Variants in IMMP2L observed in about 807,000 individuals in gnomAD.
IMMP2L encodes inner mitochondrial membrane peptidase subunit 2, also known as mitochondrial inner membrane protease subunit 2.
Under a neutral mutation model 19.3 loss-of-function variants are expected in IMMP2L, and 18 were observed. That is an observed-to-expected ratio of 0.93 (90% CI 0.64 to 1.38). The LOEUF is 1.38. Ranked by LOEUF, IMMP2L falls within the 40% of genes most tolerant of loss-of-function variation. The pLI, the probability that IMMP2L is intolerant of heterozygous loss-of-function variation, is 0.00. For synonymous variants in IMMP2L, 76 were observed against 73.0 expected (o/e 1.04, Z -0.21); for missense variants, 233 against 218.2 (o/e 1.07, Z -0.43).
chr7:110,927,731 T>G (rs1009147504), intron 4 of IMMP2L, among the ~76,000 whole-genome samples: 1 of 152,142 alleles, frequency 6.6e-6, no homozygotes, highest in African/African-American at 2.4e-5. Context: ...ATAATGTCTA[T>G]GCTGGACTTC....
intron 3 of IMMP2L, among the ~76,000 whole-genome samples, chr7:111,193,327 T>G (rs995477347): frequency 1.3e-5 from 2 of 152,090 alleles, no homozygotes; most frequent in African/African-American, 4.8e-5. Context: ...TTAAGATGCT[T>G]CTTCTTCCCA....
intron 3 of IMMP2L, among the ~76,000 whole-genome samples, chr7:111,476,527 C>A (rs1427435809): frequency 6.6e-6 from 1 of 152,062 alleles, no homozygotes; most frequent in African/African-American, 2.4e-5. Context: ...AAGACAGAAG[C>A]CTAGTAGGTT....
intron 5 of IMMP2L, among the ~76,000 whole-genome samples, chr7:110,809,116 C>T (rs1272149713): frequency 6.6e-6 from 1 of 152,020 alleles, no homozygotes; most frequent in African/African-American, 2.4e-5. Flanking sequence ...CATTTTTCTA[C>T]ACTGGCAGAA....
chr7:111,290,320 A>G, intron 3 of IMMP2L, among the ~76,000 whole-genome samples: 1 of 152,196 alleles, frequency 6.6e-6, no homozygotes, highest in East Asian at 1.9e-4. Flanking sequence ...ACTGTGCAAC[A>G]CATAATATGA....
At chr7:111,141,520 T>C (rs1196922976) in intron 3 of IMMP2L, among the ~76,000 whole-genome samples, 1 of 152,130 alleles carries the variant, frequency 6.6e-6, no homozygotes, top group Admixed American at 6.5e-5. Flanking sequence ...CTTAATTTTC[T>C]ATCTACCTAC....
chr7:111,118,082 G>C (rs1242625735), intron 3 of IMMP2L, among the ~76,000 whole-genome samples: 1 of 152,056 alleles, frequency 6.6e-6, no homozygotes, highest in Non-Finnish European at 1.5e-5. Context: ...ACAGAATTAA[G>C]CATTCTCTCC....
At chr7:110,815,141 T>A (rs1802379917) in intron 5 of IMMP2L, among the ~76,000 whole-genome samples, 1 of 152,158 alleles carries the variant, frequency 6.6e-6, no homozygotes, top group Non-Finnish European at 1.5e-5. Context: ...ATATGTCCAA[T>A]CAATACCTAA....
intron 3 of IMMP2L, among the ~76,000 whole-genome samples, chr7:111,408,416 T>C (rs1026740749): frequency 2.0e-5 from 3 of 151,768 alleles, no homozygotes; most frequent in Non-Finnish European, 4.4e-5. Flanking sequence ...GAAATATCAC[T>C]ATGGGTACAC....
chr7:110,703,202 G>T (rs1794405560), intron 5 of IMMP2L, among the ~76,000 whole-genome samples: 1 of 151,874 alleles, frequency 6.6e-6, no homozygotes, highest in Non-Finnish European at 1.5e-5. Flanking sequence ...TTATCTTATG[G>T]TTTTGCTTTC....
intron 3 of IMMP2L, among the ~76,000 whole-genome samples, chr7:111,193,887 G>T (rs562566564): frequency 6.6e-6 from 1 of 152,160 alleles, no homozygotes; most frequent in African/African-American, 2.4e-5. Flanking sequence ...TATTTAATCT[G>T]TGTCCTACTC....
chr7:110,761,225 G>C (rs1322338081), intron 5 of IMMP2L, among the ~76,000 whole-genome samples: 2 of 152,070 alleles, frequency 1.3e-5, no homozygotes. Flanking sequence ...AAAAACAAAT[G>C]GGAAATAATG....
intron 3 of IMMP2L, among the ~76,000 whole-genome samples, chr7:111,162,318 T>A (rs749731018): frequency 1.3e-5 from 2 of 152,120 alleles, no homozygotes; most frequent in Admixed American, 6.6e-5. Flanking sequence ...AATTTGATTA[T>A]AATTTTACGA....
chr7:110,798,998 T>A (rs1023281752), intron 5 of IMMP2L, among the ~76,000 whole-genome samples: 5 of 152,004 alleles, frequency 3.3e-5, no homozygotes, highest in African/African-American at 1.2e-4. Context: ...GGTAATACGC[T>A]GTAACTCAAA....
intron 3 of IMMP2L, among the ~76,000 whole-genome samples, chr7:111,485,350 A>G (rs903957737): frequency 2.0e-5 from 3 of 152,058 alleles, no homozygotes; most frequent in Non-Finnish European, 4.4e-5. Context: ...CTGTAATCCC[A>G]GCACTTTGGG....
intron 5 of IMMP2L, among the ~76,000 whole-genome samples, chr7:110,828,409 T>C (rs1006464351): frequency 6.6e-6 from 1 of 152,134 alleles, no homozygotes; most frequent in Non-Finnish European, 1.5e-5. Context: ...AACAACCAAC[T>C]GTGTGATCTT....
At chr7:111,249,749 A>G (rs1052343739) in intron 3 of IMMP2L, among the ~76,000 whole-genome samples, 2 of 152,198 alleles carry the variant, frequency 1.3e-5, no homozygotes, top group East Asian at 1.9e-4. Flanking sequence ...CTAGGTATTG[A>G]AAGAGCATAC....
intron 3 of IMMP2L, among the ~76,000 whole-genome samples, chr7:111,485,251 G>C (rs1178811396): frequency 6.6e-6 from 1 of 152,082 alleles, no homozygotes; most frequent in Admixed American, 6.6e-5. Flanking sequence ...ACAAGCACAT[G>C]AAAGTTTGTG....
intron 3 of IMMP2L, among the ~76,000 whole-genome samples, chr7:111,273,319 C>T (rs1213830640): frequency 1.3e-5 from 2 of 151,880 alleles, no homozygotes; most frequent in Non-Finnish European, 2.9e-5. Context: ...CGAAACATTA[C>T]TGGAACACTG....
Position 111,485,597 on chromosome 7 carries a change from C to CAAAAAAAAAAAAAAAAA in IMMP2L, c.239+1624_239+1640dup, listed in dbSNP as rs71147477. On this transcript the variant is annotated intron_variant, in intron 3 of 5. Coordinates refer to ENST00000405709, the MANE Select transcript of IMMP2L (RefSeq NM_032549.4). ...TGCGCAACAGAGCGAGACTCTGTTTCAAAAAAAAAAAAAAAAAAAAAAAAA... is the reference window on the plus strand; with the variant it reads ...TGCGCAACAGAGCGAGACTCTGTTTCAAAAAAAAAAAAAAAAAAAAAAAAAAAAAAAAAAAAAAAAAA... Among the ~76,000 whole-genome samples the CAAAAAAAAAAAAAAAAA allele has an allele frequency of 7.9e-5, 4 of 50,596 alleles. 1 individual carries two copies. The highest frequency in any genetic ancestry group is 3.4e-4 in the African/African-American group (4 of 11,688). The allele number at this position is 50,596 out of a possible 152,430, so 33.2% of individuals were successfully genotyped here.
Sources: allele counts gnomAD v4.1 joint callset (sites outside exome capture counted in the v4.1 genomes callset), GRCh38; gene constraint gnomAD v4.1.1; transcripts MANE v1.5; gene names NCBI Gene and HGNC (gene_info 2026-07-23, HGNC 2026-07-21).